The following FXR2 variants were observed in gnomAD, a reference collection of about 807,000 sequenced individuals.
FXR2 encodes FMR1 autosomal homolog 2.
In FXR2, 9 loss-of-function variants were observed where a neutral mutation model predicts 87.3. The observed-to-expected ratio is 0.10, with a 90% CI of 0.06 to 0.18. FXR2 has a LOEUF of 0.18. FXR2 is among the 10% of genes least tolerant of loss of function. The probability of loss-of-function intolerance (pLI) is 1.00; values close to 1 mark genes in which losing one functional copy is unlikely to be tolerated. For synonymous variants in FXR2, 331 were observed against 328.3 expected, an observed-to-expected ratio of 1.01 and a Z score of -0.09; for missense variants, 661 against 893.6, an observed-to-expected ratio of 0.74 and a Z score of 3.32.
rs749571591 is a variant in FXR2 at position 7,603,801 on chromosome 17, G to A, written c.405C>T (p.Ser135=). ...VNPNPLATKG[S]FFKVTMAVPE... ...GCACAGCCATGGTAACCTTGAAGAA[G>A]CTGCCTTTGGTTGCAAGGGGATTGG... The change falls in exon 5 of 17, where the codon AGC becomes AGT. Residue 135 remains serine, a synonymous_variant. Transcript: ENST00000250113. The A allele has an allele frequency of 1.9e-6, 3 of 1,613,840 alleles. No homozygotes were observed. Among genetic ancestry groups the A allele is most frequent in the East Asian group, 4.5e-5 (2 of 44,890 alleles).
At chr17:7,607,135 T>C (rs780647284) in intron 1 of FXR2, among the ~76,000 whole-genome samples, 13 of 151,998 alleles carry the variant, frequency 8.6e-5, no homozygotes, top group East Asian at 1.9e-4. Context: ...CCTGCCAACA[T>C]GGTGAAACCC....
In FXR2 at chr17:7,595,187, C is replaced by T. The variant is rs1431719363; in HGVS notation, c.832-430G>A. 6.6e-6 allele frequency among the ~76,000 whole-genome samples: 1 copy of T among 151,558 alleles called. No homozygotes were observed. Among genetic ancestry groups the T allele is most frequent in the Non-Finnish European group, 1.5e-5 (1 of 67,940 alleles). ...AGGACCTTGGCCAGGCACAGCGGCT[C>T]ACACCCATAATCTCAACAGTTTCGG... On this transcript the variant is annotated intron_variant, in intron 8 of 16. Coordinates refer to ENST00000250113, the MANE Select transcript of FXR2 (RefSeq NM_004860.4). This position sits in a 1 kb window ranked among gnomAD's most constrained non-coding sequence, Gnocchi z 4.7.
chr17:7,608,616 C>A (rs76433669), intron 1 of FXR2, among the ~76,000 whole-genome samples: 23 of 134,132 alleles, frequency 1.7e-4, no homozygotes, highest in South Asian at 4.5e-4. Context: ...AACTCTGCCT[C>A]AAAAAAAAAA....
chr17:7,599,838 A>AC lies in FXR2; in HGVS notation c.660+1570dup, dbSNP rs537864173. ...GGTTGCAGTAAGCCAAGATAGCGCCACTGCGCTCTAGCCTGGGCGACAGAG... is the reference window on the plus strand; with the variant it reads ...GGTTGCAGTAAGCCAAGATAGCGCCACCTGCGCTCTAGCCTGGGCGACAGAG... On this transcript the variant is annotated intron_variant, in intron 7 of 16. Coordinates refer to ENST00000250113, the MANE Select transcript of FXR2 (RefSeq NM_004860.4). 4.6e-5 allele frequency among the ~76,000 whole-genome samples: 7 copies of AC among 152,182 alleles called. No individual in the cohort carries two copies. The South Asian group carries it at 1.5e-3, about 32-fold the overall frequency.
intron 6 of FXR2, among the ~76,000 whole-genome samples, chr17:7,601,740 A>G (rs2071758000): frequency 6.6e-6 from 1 of 152,076 alleles, no homozygotes; most frequent in Non-Finnish European, 1.5e-5. Flanking sequence ...CATCCTGGCC[A>G]ACGTGGTGAA....
chr17:7,603,364 C>G (rs1052541534), intron 5 of FXR2, among the ~76,000 whole-genome samples: 1 of 151,288 alleles, frequency 6.6e-6, no homozygotes, highest in African/African-American at 2.4e-5. Context: ...CCTGTCTCTA[C>G]TAAAAATACA....
Position 7,592,453 on chromosome 17 carries a change from T to C in FXR2, c.1825+51A>G. 6.4e-7 allele frequency: 1 copy of C among 1,571,992 alleles called. No homozygotes were observed. The highest frequency in any genetic ancestry group is 8.8e-7 in the Non-Finnish European group (1 of 1,141,770). ...CCCCTGATTTTCACAGGGGTGAGCATCCCATTCTCTCAGCTCTGAGGAAGG... is the reference window on the plus strand; with the variant it reads ...CCCCTGATTTTCACAGGGGTGAGCACCCCATTCTCTCAGCTCTGAGGAAGG... On this transcript the variant is annotated intron_variant, in intron 15 of 16. Coordinates refer to ENST00000250113, the MANE Select transcript of FXR2 (RefSeq NM_004860.4). The surrounding 1 kb of genome is among the most constrained non-coding windows in gnomAD (Gnocchi z 4.8).
In FXR2 at chr17:7,594,480, T is replaced by C; in HGVS notation, c.911-133A>G. ...CTTCATTCTCCTGCTTCTAGGTTTC[T>C]GATGTGTTTTTACAGGACAAAATGT... is the stretch of plus-strand genomic sequence containing the variant. On this transcript the variant is annotated intron_variant, in intron 9 of 16. Transcript: ENST00000250113. This position sits in a 1 kb window ranked among gnomAD's most constrained non-coding sequence, Gnocchi z 5.1. The C allele has an allele frequency of 1.5e-6, 1 of 686,890 alleles. No individual in the cohort carries two copies. The highest frequency in any genetic ancestry group is 1.9e-5 in the South Asian group (1 of 53,788). The allele number at this position is 686,890 out of a possible 1,614,324, so 42.5% of individuals were successfully genotyped here.
chr17:7,591,891 G>A lies in FXR2; in HGVS notation c.1961C>T (p.Ser654Leu), dbSNP rs766537828. ...GGGGGCGGAGAGCTCCCCATTCTCCGAGGGGCCCTTAGGAAGCTTGCTGAC... is the reference window on the plus strand; with the variant it reads ...GGGGGCGGAGAGCTCCCCATTCTCCAAGGGGCCCTTAGGAAGCTTGCTGAC... ...DSVSKLPKGPSENGELSAPLE... is the reference protein window; with the variant it reads ...DSVSKLPKGPLENGELSAPLE... Residue 654 changes from serine to leucine, a missense_variant, in exon 17 of 17, where the codon TCG (serine) becomes TTG (leucine). This residue lies in a region of FXR2 where 409 missense variants were observed against 432.0 expected (regional missense o/e 0.95). Coordinates refer to ENST00000250113, the MANE Select transcript of FXR2 (RefSeq NM_004860.4). This position sits in a 1 kb window ranked among gnomAD's most constrained non-coding sequence, Gnocchi z 4.0. The A allele has an allele frequency of 2.2e-5, 35 of 1,605,684 alleles. No homozygotes were observed. The highest frequency in any genetic ancestry group is 8.9e-5 in the East Asian group (4 of 44,874).
At chr17:7,602,883 GT>G in intron 6 of FXR2, 25 bp downstream of exon 6, 2 of 1,087,498 alleles carry the variant, frequency 1.8e-6, no homozygotes, top group Non-Finnish European at 2.8e-6. Context: ...AAAGGCTTAT[GT>G]GAAATTCAGG....
chr17:7,600,473 G>A (rs2071746025), intron 7 of FXR2, among the ~76,000 whole-genome samples: 1 of 152,208 alleles, frequency 6.6e-6, no homozygotes, highest in Admixed American at 6.5e-5. Context: ...GATTAAAGGC[G>A]TGAGCCACCG....
Position 7,595,084 on chromosome 17 carries a change from C to G in FXR2, c.832-327G>C, listed in dbSNP as rs2071696750. ...TGAGATTGTGCCACTGCACTCTAGC[C>G]CGGGCAACAGAGTGAGTTAGACTCC... On this transcript the variant is annotated intron_variant, in intron 8 of 16. Coordinates refer to ENST00000250113, the MANE Select transcript of FXR2 (RefSeq NM_004860.4). This position sits in a 1 kb window ranked among gnomAD's most constrained non-coding sequence, Gnocchi z 4.7. Among the ~76,000 whole-genome samples the G allele has an allele frequency of 6.6e-6, 1 of 151,688 alleles. No homozygotes were observed.
intron 1 of FXR2, among the ~76,000 whole-genome samples, chr17:7,608,204 C>T (rs1230083669): frequency 6.6e-6 from 1 of 151,734 alleles, no homozygotes; most frequent in Non-Finnish European, 1.5e-5. Context: ...AATGCACCCG[C>T]CTTAGCCTCC....
chr17:7,606,350 G>C (rs1447511649), intron 1 of FXR2, among the ~76,000 whole-genome samples: 1 of 152,134 alleles, frequency 6.6e-6, no homozygotes, highest in African/African-American at 2.4e-5. Context: ...TATTGTCATG[G>C]AGAGGTGTAT....
At position 7,608,053 on chromosome 17, in the gene FXR2, A is replaced by G. The variant is rs565385587; in HGVS notation, c.82-1904T>C. On this transcript the variant is annotated intron_variant, in intron 1 of 16. Transcript: ENST00000250113. Reference sequence around the variant, plus strand: ...TGATCCACCCGCCTCAGCCTCCCAAAGTGCTGGGATTACAGGTATGAACCA... The same window carrying G: ...TGATCCACCCGCCTCAGCCTCCCAAGGTGCTGGGATTACAGGTATGAACCA... 1.4e-4 allele frequency among the ~76,000 whole-genome samples: 22 copies of G among 152,106 alleles called. 1 individual carries two copies. The highest frequency in any genetic ancestry group is 3.4e-3 in the Middle Eastern group (1 of 294).
intron 4 of FXR2, 26 bp downstream of exon 4, chr17:7,603,983 C>G: frequency 6.2e-7 from 1 of 1,601,674 alleles, no homozygotes. Flanking sequence ...TTCAGTAGTT[C>G]TCCAAAGGCA....
Position 7,594,609 on chromosome 17 carries a change from T to A in FXR2, c.910+70A>T. 1 of 1,023,988 alleles carries A rather than the reference T, an allele frequency of 9.8e-7. No homozygotes were observed. The highest frequency in any genetic ancestry group is 1.6e-6 in the Non-Finnish European group (1 of 641,882). The allele number at this position is 1,023,988 out of a possible 1,614,324, so 63.4% of individuals were successfully genotyped here. ...TCCACAGGGAGGTGCCAATCCTGGATAAAAGCTCAGAATCACTGTAGAGAA... is the reference window on the plus strand; with the variant it reads ...TCCACAGGGAGGTGCCAATCCTGGAAAAAAGCTCAGAATCACTGTAGAGAA... On this transcript the variant is annotated intron_variant, in intron 9 of 16. Coordinates refer to ENST00000250113, the MANE Select transcript of FXR2 (RefSeq NM_004860.4). The surrounding 1 kb of genome is among the most constrained non-coding windows in gnomAD (Gnocchi z 5.1).
At position 7,614,483 on chromosome 17, in the gene FXR2, T is replaced by C; in HGVS notation, c.50A>G (p.Glu17Gly). ...GAAGGCCCCGTTGGAGCCGCGCACC[T>C]CGACGGGCAGTCCCGGCTCCACATC... The part of the protein sequence containing the change: ...GGDVEPGLPV[E>G]VRGSNGAFYK... The change falls in exon 1 of 17, where the codon GAG (glutamate) becomes GGG (glycine). Residue 17 changes from glutamate (E) to glycine (G), a missense_variant. Glu to Gly is a moderately conservative substitution (Grantham distance 98). Transcript: ENST00000250113. The C allele has an allele frequency of 6.5e-7, 1 of 1,541,052 alleles. No individual in the cohort carries two copies. Among genetic ancestry groups the C allele is most frequent in the Non-Finnish European group, 8.7e-7 (1 of 1,146,652 alleles).
At chr17:7,613,000 A>G (rs1348001231) in intron 1 of FXR2, among the ~76,000 whole-genome samples, 3 of 149,478 alleles carry the variant, frequency 2.0e-5, no homozygotes, top group African/African-American at 7.4e-5. Flanking sequence ...CCATCTCAAA[A>G]AAAAAAAAAA....
Sources: gnomAD v4.1 joint callset for allele counts (sites outside exome capture counted in the v4.1 genomes callset) on GRCh38, gnomAD v4.1.1 for gene constraint, gnomAD v4.1.1 regional missense constraint, Gnocchi (gnomAD v3.1) non-coding constraint, MANE v1.5 for transcripts, NCBI Gene and HGNC (gene_info 2026-07-23, HGNC 2026-07-21) for gene names.